Variants in RTN1 observed in about 807,000 individuals in gnomAD.
RTN1 encodes reticulon 1.
In RTN1, 25 loss-of-function variants were observed where a neutral mutation model predicts 65.5. The ratio of observed to expected loss-of-function variants is 0.38; its 90% CI spans 0.28 to 0.53. The LOEUF (loss-of-function observed/expected upper bound fraction) is 0.53. RTN1 is among the 20% of genes least tolerant of loss of function. The pLI, the probability that RTN1 is intolerant of heterozygous loss-of-function variation, is 0.79. For synonymous variants in RTN1, 471 were observed against 447.6 expected (o/e 1.05, Z -0.66); for missense variants, 983 against 1,025.4 (o/e 0.96, Z 0.57).
intron 1 of RTN1, among the ~76,000 whole-genome samples, chr14:59,762,591 G>T (rs1057409537): frequency 2.6e-5 from 4 of 152,212 alleles, no homozygotes; most frequent in Non-Finnish European, 5.9e-5. Flanking sequence ...GATTAAAGGA[G>T]ACTTAACGGT....
In RTN1 at chr14:59,727,247, C is replaced by G. The variant is rs1430132248; in HGVS notation, c.1437G>C (p.Glu479Asp). The part of the protein sequence containing the change: ...ESCDASSASE[E>D]SPKREQDSPP... ...GTGAGTCCTGCTCCCGCTTGGGGCT[C>G]TCCTCCGAGGCCGAGGAGGCGTCGC... Residue 479 changes from glutamate (E) to aspartate (D), a missense_variant, in exon 3 of 9, where the codon GAG becomes GAC. Glu to Asp is a conservative substitution (Grantham distance 45). Coordinates refer to ENST00000267484, the MANE Select transcript of RTN1 (RefSeq NM_021136.3). This position sits in a 1 kb window ranked among gnomAD's most constrained non-coding sequence, Gnocchi z 4.2. 6.5e-7 allele frequency: 1 copy of G among 1,538,106 alleles called. No individual in the cohort carries two copies. Among genetic ancestry groups the G allele is most frequent in the Admixed American group, 2.0e-5 (1 of 49,092 alleles).
chr14:59,681,210 A>G (rs942572678), intron 3 of RTN1, among the ~76,000 whole-genome samples: 4 of 152,196 alleles, frequency 2.6e-5, no homozygotes, highest in Admixed American at 2.6e-4. Flanking sequence ...TACAAATCCA[A>G]CAAAAACTTA....
intron 3 of RTN1, among the ~76,000 whole-genome samples, chr14:59,666,065 T>C (rs1883365798): frequency 2.0e-5 from 3 of 152,154 alleles, no homozygotes; most frequent in Non-Finnish European, 1.5e-5. Flanking sequence ...ATCCAGGACC[T>C]GAACTCAGCT....
In RTN1 at chr14:59,744,383, T is replaced by G. The variant is rs1885174094; in HGVS notation, c.1015+1325A>C. On this transcript the variant is annotated intron_variant, in intron 2 of 8. Coordinates refer to ENST00000267484, the MANE Select transcript of RTN1 (RefSeq NM_021136.3). Reference sequence around the variant, plus strand: ...TTGAGAGAGGTGGAGATGCAAAGGCTGGAGAGAAGAGAGTGGCACAGGGTG... The same window carrying G: ...TTGAGAGAGGTGGAGATGCAAAGGCGGGAGAGAAGAGAGTGGCACAGGGTG... Among the ~76,000 whole-genome samples the G allele has an allele frequency of 3.3e-5, 5 of 152,244 alleles. No homozygotes were observed. In the South Asian group the frequency reaches 1.0e-3, roughly 32 times the overall value.
chr14:59,686,243 G>A (rs773665700), intron 3 of RTN1, among the ~76,000 whole-genome samples: 4 of 152,168 alleles, frequency 2.6e-5, no homozygotes, highest in African/African-American at 4.8e-5. Context: ...AGAAAGCTCT[G>A]TGACACTGGC....
intron 1 of RTN1, among the ~76,000 whole-genome samples, chr14:59,748,800 G>C (rs534768510): frequency 6.6e-6 from 1 of 151,652 alleles, no homozygotes; most frequent in Non-Finnish European, 1.5e-5. Context: ...ATATTTTTGT[G>C]GGGGCGGAGG....
chr14:59,774,041 A>G lies in RTN1; in HGVS notation c.242-27560T>C, dbSNP rs1886007098. On this transcript the variant is annotated intron_variant, in intron 1 of 8. Transcript: ENST00000267484. The surrounding 1 kb of genome is among the most constrained non-coding windows in gnomAD (Gnocchi z 5.1). ...GAAAAATTAGGATAAAACTGCATCCACGTTTGTGAAATAGAATGCCAGATT... is the reference window on the plus strand; with the variant it reads ...GAAAAATTAGGATAAAACTGCATCCGCGTTTGTGAAATAGAATGCCAGATT... Among the ~76,000 whole-genome samples the G allele has an allele frequency of 6.6e-6, 1 of 152,186 alleles. No homozygotes were observed. The highest frequency in any genetic ancestry group is 2.4e-5 in the African/African-American group (1 of 41,452).
At chr14:59,792,611 C>A (rs1266545298) in intron 1 of RTN1, among the ~76,000 whole-genome samples, 1 of 152,100 alleles carries the variant, frequency 6.6e-6, no homozygotes, top group Non-Finnish European at 1.5e-5. Context: ...AAAAAGGAGT[C>A]AAAATCGTCC....
intron 3 of RTN1, among the ~76,000 whole-genome samples, chr14:59,627,731 G>A (rs1367561088): frequency 6.6e-6 from 1 of 152,124 alleles, no homozygotes; most frequent in African/African-American, 2.4e-5. Context: ...ATGTTGATAA[G>A]GTTCCTTCTG....
rs77192664 is a variant in RTN1 at position 59,835,248 on chromosome 14, A to C, written c.241+35142T>G. The stretch of plus-strand genomic sequence containing the variant: ...TTATGTGGAGTGAAAGAAGCTAGAC[A>C]AAAAAAAAATAGCATATATGGTATG... On this transcript the variant is annotated intron_variant, in intron 1 of 8. Transcript: ENST00000267484. Among the ~76,000 whole-genome samples the C allele has an allele frequency of 1.8e-4, 26 of 147,280 alleles. No homozygotes were observed. In the East Asian group the frequency reaches 4.0e-3, roughly 23 times the overall value.
At chr14:59,782,687 G>C (rs540515145) in intron 1 of RTN1, among the ~76,000 whole-genome samples, 5 of 152,278 alleles carry the variant, frequency 3.3e-5, no homozygotes, top group Admixed American at 2.6e-4. Flanking sequence ...TTTTCTAAGA[G>C]GCTATAATGT....
chr14:59,818,165 T>G (rs1273238446), intron 1 of RTN1, among the ~76,000 whole-genome samples: 1 of 152,230 alleles, frequency 6.6e-6, no homozygotes, highest in Non-Finnish European at 1.5e-5. Flanking sequence ...GATAATAGCC[T>G]CCAGCTGCAT....
At chr14:59,629,784 C>T (rs767399958) in intron 3 of RTN1, among the ~76,000 whole-genome samples, 2 of 152,166 alleles carry the variant, frequency 1.3e-5, no homozygotes, top group Non-Finnish European at 2.9e-5. Flanking sequence ...GCCACGGGCA[C>T]TGTTTCGTTC....
At chr14:59,640,107 T>C (rs1283591101) in intron 3 of RTN1, among the ~76,000 whole-genome samples, 2 of 152,198 alleles carry the variant, frequency 1.3e-5, no homozygotes, top group Non-Finnish European at 2.9e-5. Context: ...TGAAAGAGTT[T>C]ATGTAAGATG....
intron 1 of RTN1, among the ~76,000 whole-genome samples, chr14:59,859,447 C>A (rs1034954617): frequency 7.9e-5 from 12 of 152,236 alleles, no homozygotes; most frequent in Admixed American, 7.2e-4. Context: ...TCCATTAAAC[C>A]TCTTTCTTTT....
intron 1 of RTN1, among the ~76,000 whole-genome samples, chr14:59,850,211 G>A (rs1184106806): frequency 6.6e-6 from 1 of 152,142 alleles, no homozygotes; most frequent in African/African-American, 2.4e-5. Context: ...TTATAATGGG[G>A]TTACATCCTC....
At chr14:59,851,038 T>C (rs1887496144) in intron 1 of RTN1, among the ~76,000 whole-genome samples, 1 of 152,152 alleles carries the variant, frequency 6.6e-6, no homozygotes, top group African/African-American at 2.4e-5. Flanking sequence ...GGGTCATTCA[T>C]AGAAAAAACA....
intron 1 of RTN1, among the ~76,000 whole-genome samples, chr14:59,835,832 T>C (rs989951264): frequency 6.6e-6 from 1 of 152,238 alleles, no homozygotes; most frequent in Non-Finnish European, 1.5e-5. Context: ...TTTCTATTGC[T>C]GCTATAACAA....
At chr14:59,728,610 A>C (rs971660201) in intron 2 of RTN1, among the ~76,000 whole-genome samples, 29 of 152,272 alleles carry the variant, frequency 1.9e-4, no homozygotes, top group African/African-American at 6.7e-4. Flanking sequence ...GCCATACAGA[A>C]GGGCTTTATT....
Sources: gnomAD v4.1 joint callset for allele counts (sites outside exome capture counted in the v4.1 genomes callset) on GRCh38, gnomAD v4.1.1 for gene constraint, Gnocchi (gnomAD v3.1) non-coding constraint, MANE v1.5 for transcripts, NCBI Gene and HGNC (gene_info 2026-07-23, HGNC 2026-07-21) for gene names.